OXR1: variants seen among roughly 807,000 people sequenced by gnomAD.
OXR1 encodes oxidation resistance 1, also known as oxidation resistance protein 1.
In OXR1, 41 loss-of-function variants were observed where a neutral mutation model predicts 104.6. That is an observed-to-expected ratio of 0.39 (90% CI 0.31 to 0.51). OXR1 has a LOEUF of 0.51. Among genes scored for constraint, OXR1 ranks in the 20% least tolerant of loss-of-function variants. The pLI is 0.77. For synonymous variants in OXR1, 348 were observed against 348.4 expected, an observed-to-expected ratio of 1.00 and a Z score of 0.01; for missense variants, 955 against 1,031.9, an observed-to-expected ratio of 0.93 and a Z score of 1.02.
intron 11 of OXR1, among the ~76,000 whole-genome samples, chr8:106,721,793 G>C (rs1191765175): frequency 6.6e-6 from 1 of 152,082 alleles, no homozygotes; most frequent in Non-Finnish European, 1.5e-5. Context: ...TTAGTATTTA[G>C]TGCTGTCCCT....
At chr8:106,400,126 A>G (rs1817943057) in intron 2 of OXR1, among the ~76,000 whole-genome samples, 1 of 152,028 alleles carries the variant, frequency 6.6e-6, no homozygotes, top group Admixed American at 6.6e-5. Flanking sequence ...TAAGCCTTCC[A>G]ACTATTTTGA....
At chr8:106,708,333 A>T (rs747027000) in intron 9 of OXR1, among the ~76,000 whole-genome samples, 1 of 152,196 alleles carries the variant, frequency 6.6e-6, no homozygotes. Flanking sequence ...CAGGAGGTCG[A>T]GGCTGCTATG....
chr8:106,601,842 T>A (rs1819994129), intron 3 of OXR1, among the ~76,000 whole-genome samples: 1 of 152,216 alleles, frequency 6.6e-6, no homozygotes, highest in Non-Finnish European at 1.5e-5. Flanking sequence ...TTAAGTTTTT[T>A]AAGGAGATTA....
intron 2 of OXR1, among the ~76,000 whole-genome samples, chr8:106,385,101 T>C (rs2130425973): frequency 1.3e-5 from 2 of 152,332 alleles, no homozygotes; most frequent in South Asian, 4.1e-4. Flanking sequence ...TGCTTTTTCT[T>C]CTTCTTAAGG....
At chr8:106,462,349 G>A (rs1820958219) in intron 2 of OXR1, among the ~76,000 whole-genome samples, 1 of 152,110 alleles carries the variant, frequency 6.6e-6, no homozygotes. Context: ...ATATTATGTT[G>A]TTCCTCTTAA....
At chr8:106,567,694 A>G (rs7830495) in intron 3 of OXR1, among the ~76,000 whole-genome samples, 27,125 of 152,124 alleles carry the variant, frequency 0.18, 2,543 homozygotes, top group East Asian at 0.34. Flanking sequence ...TAGGACATGA[A>G]GTTTTCAGGA....
chr8:106,432,778 C>A (rs1414605232), intron 2 of OXR1, among the ~76,000 whole-genome samples: 1 of 152,040 alleles, frequency 6.6e-6, no homozygotes, highest in Non-Finnish European at 1.5e-5. Flanking sequence ...AGGTCAGGGA[C>A]CTTCTATTAT....
intron 6 of OXR1, among the ~76,000 whole-genome samples, chr8:106,685,832 A>G (rs1398090186): frequency 6.6e-6 from 1 of 152,200 alleles, no homozygotes. Flanking sequence ...GCACATGCGT[A>G]TATAGCAGCA....
At chr8:106,638,672 G>T (rs946479382) in intron 3 of OXR1, among the ~76,000 whole-genome samples, 1 of 152,144 alleles carries the variant, frequency 6.6e-6, no homozygotes, top group African/African-American at 2.4e-5. Flanking sequence ...AGGCCGAGGT[G>T]GGCAGATCAC....
chr8:106,336,345 G>A (rs1814964801), intron 1 of OXR1, among the ~76,000 whole-genome samples: 1 of 152,156 alleles, frequency 6.6e-6, no homozygotes, highest in African/African-American at 2.4e-5. Flanking sequence ...TTATATTGTA[G>A]AGATTCAGCA....
intron 1 of OXR1, among the ~76,000 whole-genome samples, chr8:106,297,226 T>C (rs1813035140): frequency 6.6e-6 from 1 of 152,182 alleles, no homozygotes; most frequent in South Asian, 2.1e-4. Flanking sequence ...CAGATTTTAT[T>C]TTATTTTATT....
intron 2 of OXR1, among the ~76,000 whole-genome samples, chr8:106,480,226 A>G (rs1463025245): frequency 1.3e-5 from 2 of 151,988 alleles, no homozygotes; most frequent in Non-Finnish European, 2.9e-5. Context: ...TTTTGTTAAT[A>G]CCACACACCA....
chr8:106,354,590 A>ACTTAATGCTTAATGTACACATAATG (rs1815882343), intron 1 of OXR1, among the ~76,000 whole-genome samples: 1 of 152,156 alleles, frequency 6.6e-6, no homozygotes, highest in Admixed American at 6.5e-5. Context: ...CACTGTGTAC[A>ACTTAATGCTTAATGTACACATAATG]CTTAATGCTT....
chr8:106,737,980 G>C (rs545314172), intron 12 of OXR1, among the ~76,000 whole-genome samples: 2 of 152,140 alleles, frequency 1.3e-5, no homozygotes, highest in South Asian at 2.1e-4. Flanking sequence ...TAATAGCAAG[G>C]CTTAAATATT....
intron 2 of OXR1, among the ~76,000 whole-genome samples, chr8:106,385,534 G>A (rs915583878): frequency 1.1e-4 from 16 of 152,250 alleles, no homozygotes; most frequent in African/African-American, 3.9e-4. Flanking sequence ...GTGACAGGCA[G>A]TGTTCCAAGT....
chr8:106,703,134 G>T (rs1830732868), intron 8 of OXR1, 44 bp downstream of exon 8: 1 of 1,317,510 alleles, frequency 7.6e-7, no homozygotes, highest in Admixed American at 1.8e-5. Context: ...ATTGTATCTA[G>T]ATAGTTGACC....
intron 2 of OXR1, among the ~76,000 whole-genome samples, chr8:106,494,484 A>G (rs913964876): frequency 1.3e-5 from 2 of 152,164 alleles, no homozygotes; most frequent in African/African-American, 4.8e-5. Context: ...CAGTTCCCTT[A>G]AAGCCTGAAG....
intron 1 of OXR1, among the ~76,000 whole-genome samples, chr8:106,353,037 T>G (rs1815801503): frequency 6.6e-6 from 1 of 152,216 alleles, no homozygotes; most frequent in Admixed American, 6.5e-5. Context: ...CCTTGTTTAT[T>G]TTGTGCCTCA....
At chr8:106,690,891 C>T (rs1829208280) in intron 6 of OXR1, among the ~76,000 whole-genome samples, 3 of 151,818 alleles carry the variant, frequency 2.0e-5, no homozygotes, top group Admixed American at 2.0e-4. Context: ...ATGGATTTTC[C>T]TCCTCAATCT....
Sources: gnomAD v4.1 joint callset for allele counts (sites outside exome capture counted in the v4.1 genomes callset) on GRCh38, gnomAD v4.1.1 for gene constraint, MANE v1.5 for transcripts, NCBI Gene and HGNC (gene_info 2026-07-23, HGNC 2026-07-21) for gene names.